The following SGF29 variants were observed in gnomAD, a reference collection of about 807,000 sequenced individuals.
The protein encoded by SGF29 is SAGA-associated factor 29.
SGF29 carries 15 observed loss-of-function variants against 38.1 expected under a neutral mutation model. The observed-to-expected ratio is 0.39, with a 90% CI of 0.26 to 0.61. The LOEUF (loss-of-function observed/expected upper bound fraction) is 0.61. Among genes scored for constraint, SGF29 ranks in the 20% least tolerant of loss-of-function variants. The pLI is 0.49. For missense variants in SGF29, 184 were observed against 394.6 expected, an observed-to-expected ratio of 0.47 and a Z score of 4.52; for synonymous variants, 151 against 160.8, an observed-to-expected ratio of 0.94 and a Z score of 0.46.
At chr16:28,554,678 C>T (rs1458255518) in intron 1 of SGF29, among the ~76,000 whole-genome samples, 3 of 152,248 alleles carry the variant, frequency 2.0e-5, no homozygotes, top group South Asian at 2.1e-4. Context: ...TTACCTCCTC[C>T]TCGGCTCCGG....
chr16:28,564,639 ATATGTG>A (rs2046817135), intron 1 of SGF29, among the ~76,000 whole-genome samples: 1 of 118,750 alleles, frequency 8.4e-6, no homozygotes, highest in Admixed American at 9.8e-5. Context: ...ATATACGTAT[ATATGTG>A]TATATATACG....
At position 28,577,759 on chromosome 16, in the gene SGF29, A is replaced by C. The variant is rs142733409; in HGVS notation, c.-15-3296A>C. The stretch of plus-strand genomic sequence containing the variant: ...TGTCATGTGCTTGGTGATCATTTAT[A>C]TGTCTTCTTTGGAGAACTGTCTATT... On this transcript the variant is annotated intron_variant, in intron 1 of 9. Coordinates refer to ENST00000317058, the MANE Select transcript of SGF29 (RefSeq NM_138414.3). 2.0e-4 allele frequency among the ~76,000 whole-genome samples: 31 copies of C among 152,272 alleles called. No individual in the cohort carries two copies. The East Asian group carries it at 5.8e-3, about 28-fold the overall frequency.
intron 1 of SGF29, among the ~76,000 whole-genome samples, chr16:28,570,757 T>C (rs979258129): frequency 1.3e-4 from 20 of 151,826 alleles, no homozygotes; most frequent in Non-Finnish European, 2.2e-4. Context: ...TTTGTATTTT[T>C]AGTAGAGACA....
intron 2 of SGF29, 47 bp from the exon 3 acceptor site, chr16:28,584,866 G>C (rs2046947277): frequency 7.0e-7 from 1 of 1,434,702 alleles, no homozygotes; most frequent in Non-Finnish European, 9.8e-7. Flanking sequence ...GGGTACCACA[G>C]CAGCACAAAG....
intron 1 of SGF29, among the ~76,000 whole-genome samples, chr16:28,564,531 A>G (rs1177403923): frequency 1.8e-5 from 2 of 113,622 alleles, no homozygotes; most frequent in Non-Finnish European, 3.6e-5. Flanking sequence ...GTGTGTGTAT[A>G]TATATATGTA....
chr16:28,564,883 GC>G (rs2151643974), intron 1 of SGF29, among the ~76,000 whole-genome samples: 1 of 150,318 alleles, frequency 6.7e-6, no homozygotes, highest in Admixed American at 6.7e-5. Context: ...CCCATGATAG[GC>G]CATCAGCAAG....
At chr16:28,580,935 C>T in intron 1 of SGF29, 120 bp from the exon 2 acceptor site, 1 of 733,452 alleles carries the variant, frequency 1.4e-6, no homozygotes, top group Non-Finnish European at 2.3e-6. Context: ...CCCGCCTTGG[C>T]CTCCCAAAGT....
chr16:28,590,712 A>G lies in SGF29; in HGVS notation c.602+46A>G. ...AGGGCATGGAGCCTGGGGGCAGCCTAACAGCTGAGAAGGAGCATCCCCACC... is the reference window on the plus strand; with the variant it reads ...AGGGCATGGAGCCTGGGGGCAGCCTGACAGCTGAGAAGGAGCATCCCCACC... On this transcript the variant is annotated intron_variant, in intron 8 of 9. Coordinates refer to ENST00000317058, the MANE Select transcript of SGF29 (RefSeq NM_138414.3). This position sits in a 1 kb window ranked among gnomAD's most constrained non-coding sequence, Gnocchi z 8.2. 1 of 1,614,078 alleles carries G rather than the reference A, an allele frequency of 6.2e-7. No homozygotes were observed. Among genetic ancestry groups the G allele is most frequent in the Non-Finnish European group, 8.5e-7 (1 of 1,179,974 alleles).
Position 28,573,320 on chromosome 16 carries a change from A to G in SGF29, c.-15-7735A>G, listed in dbSNP as rs1266741250. On this transcript the variant is annotated intron_variant, in intron 1 of 9. Transcript: ENST00000317058. ...AGGGAGGCCCTGAAGCCAGAGGAGA[A>G]GGGAGTAGCATCATGTCAAGATCAG... Among the ~76,000 whole-genome samples the G allele has an allele frequency of 2.6e-5, 4 of 152,140 alleles. No individual in the cohort carries two copies. The East Asian group carries it at 5.8e-4, about 22-fold the overall frequency.
intron 1 of SGF29, among the ~76,000 whole-genome samples, chr16:28,574,431 C>G (rs1319735601): frequency 6.6e-6 from 1 of 152,162 alleles, no homozygotes. Flanking sequence ...CCCTGGGAGG[C>G]CATGCTCTGC....
At chr16:28,554,861 C>T (rs983625589) in intron 1 of SGF29, among the ~76,000 whole-genome samples, 5 of 152,228 alleles carry the variant, frequency 3.3e-5, no homozygotes, top group Non-Finnish European at 7.3e-5. Context: ...GGTCTCAGTC[C>T]TGTTCAGCAT....
At chr16:28,579,879 C>T (rs2046915625) in intron 1 of SGF29, among the ~76,000 whole-genome samples, 2 of 151,372 alleles carry the variant, frequency 1.3e-5, no homozygotes, top group Admixed American at 6.6e-5. Flanking sequence ...TGCAGTGAGC[C>T]AAGATCACAC....
intron 1 of SGF29, 116 bp downstream of exon 1, chr16:28,554,213 G>A (rs1684579265): frequency 1.3e-5 from 2 of 151,278 alleles, no homozygotes; most frequent in African/African-American, 2.4e-5. Context: ...TAGGGGCGGT[G>A]CGCACGCGCT....
chr16:28,564,564 T>C (rs1467231669), intron 1 of SGF29, among the ~76,000 whole-genome samples: 67 of 121,886 alleles, frequency 5.5e-4, no homozygotes, highest in African/African-American at 8.0e-4. Flanking sequence ...TATATATATA[T>C]ACGTATATAT....
chr16:28,555,204 G>A (rs1005482308), intron 1 of SGF29, among the ~76,000 whole-genome samples: 5 of 152,006 alleles, frequency 3.3e-5, no homozygotes, highest in Non-Finnish European at 7.4e-5. Context: ...TGGCTCATGC[G>A]TGTAATCCTA....
intron 1 of SGF29, among the ~76,000 whole-genome samples, chr16:28,570,533 A>AT (rs1004684367): frequency 6.7e-5 from 10 of 149,954 alleles, no homozygotes; most frequent in African/African-American, 2.2e-4. Flanking sequence ...TGATTGATTG[A>AT]TTTTTTTAAA....
chr16:28,578,460 C>T (rs897830844), intron 1 of SGF29, among the ~76,000 whole-genome samples: 2 of 151,968 alleles, frequency 1.3e-5, no homozygotes, highest in Non-Finnish European at 2.9e-5. Context: ...GTCTGATGTT[C>T]GTTGTGGGTT....
chr16:28,558,405 C>T (rs1190100530), intron 1 of SGF29, among the ~76,000 whole-genome samples: 8 of 151,756 alleles, frequency 5.3e-5, no homozygotes, highest in Non-Finnish European at 7.4e-5. Flanking sequence ...TGAGCCACCA[C>T]GCCTGGCTGC....
At chr16:28,564,756 T>A (rs529163249) in intron 1 of SGF29, among the ~76,000 whole-genome samples, 1 of 76,138 alleles carries the variant, frequency 1.3e-5, no homozygotes, top group Non-Finnish European at 2.5e-5. Context: ...TATATATATG[T>A]ATATATGTAT....
Sources: gnomAD v4.1 joint callset for allele counts (sites outside exome capture counted in the v4.1 genomes callset) on GRCh38, gnomAD v4.1.1 for gene constraint, Gnocchi (gnomAD v3.1) non-coding constraint, MANE v1.5 for transcripts, NCBI Gene and HGNC (gene_info 2026-07-23, HGNC 2026-07-21) for gene names.